The following SPECC1L variants were observed in gnomAD, a reference collection of about 807,000 sequenced individuals.
SPECC1L encodes the protein cytospin-A.
Under a neutral mutation model 116.8 loss-of-function variants are expected in SPECC1L, and 40 were observed. The ratio of observed to expected loss-of-function variants is 0.34; its 90% CI spans 0.27 to 0.45. SPECC1L has a LOEUF of 0.45. Among genes scored for constraint, SPECC1L ranks in the 20% least tolerant of loss-of-function variants. The pLI is 1.00. For missense variants in SPECC1L, 1,110 were observed against 1,373.6 expected (o/e 0.81, Z 3.03); for synonymous variants, 504 against 500.6 (o/e 1.01, Z -0.09).
Position 24,334,651 on chromosome 22 carries a change from ATTC to A in SPECC1L, c.2560+81_2560+83del, listed in dbSNP as rs574529347. The stretch of plus-strand genomic sequence containing the variant: ...CTTATATTCTCTGGTCTGATTTGGT[ATTC>A]TTTACTGTCTTACTCTTAGTCCCAT... On this transcript the variant is annotated intron_variant, in intron 9 of 16. Transcript: ENST00000314328. The A allele has an allele frequency of 8.9e-5, 133 of 1,490,266 alleles. No homozygotes were observed. In the East Asian group the frequency reaches 2.3e-3, roughly 26 times the overall value. The allele number at this position is 1,490,266 out of a possible 1,614,324, so 92.3% of individuals were successfully genotyped here.
At chr22:24,372,984 G>C (rs1246375481) in intron 14 of SPECC1L, among the ~76,000 whole-genome samples, 2 of 152,118 alleles carry the variant, frequency 1.3e-5, no homozygotes, top group Non-Finnish European at 2.9e-5. Context: ...ACCAATATCA[G>C]ACAAACTGAG....
At chr22:24,410,008 G>A (rs148228823) in intron 14 of SPECC1L, among the ~76,000 whole-genome samples, 4 of 152,360 alleles carry the variant, frequency 2.6e-5, no homozygotes, top group African/African-American at 9.6e-5. Flanking sequence ...GTGACAGAGA[G>A]ACCCTGTCTC....
chr22:24,287,259 G>A (rs1280608871), intron 2 of SPECC1L, among the ~76,000 whole-genome samples: 2 of 152,240 alleles, frequency 1.3e-5, no homozygotes, highest in Admixed American at 1.3e-4. Context: ...ATGGGTTGGA[G>A]CCTGGATTTG....
At position 24,409,869 on chromosome 22, in the gene SPECC1L, CAA is replaced by C. The variant is rs1158394864; in HGVS notation, c.3088-1717_3088-1716del. Among the ~76,000 whole-genome samples the C allele has an allele frequency of 2.6e-5, 4 of 152,180 alleles. No individual in the cohort carries two copies. The South Asian group carries it at 8.3e-4, about 32-fold the overall frequency. ...GCGAAACCTCATCTCTACAAAAAAA[CAA>C]ACAAAATTAGCTGGACGTGGTAGCA... On this transcript the variant is annotated intron_variant, in intron 14 of 16. Coordinates refer to ENST00000314328, the MANE Select transcript of SPECC1L (RefSeq NM_015330.6).
At chr22:24,272,110 G>C (rs1361736671) in intron 1 of SPECC1L, among the ~76,000 whole-genome samples, 1 of 152,250 alleles carries the variant, frequency 6.6e-6, no homozygotes, top group African/African-American at 2.4e-5. Context: ...GCCAGGCGCG[G>C]TGCCTCATGC....
intron 13 of SPECC1L, among the ~76,000 whole-genome samples, chr22:24,368,980 T>C (rs1228691037): frequency 6.6e-6 from 1 of 152,222 alleles, no homozygotes; most frequent in Non-Finnish European, 1.5e-5. Flanking sequence ...GTACTGTCTT[T>C]GCCACTTTCC....
intron 14 of SPECC1L, among the ~76,000 whole-genome samples, chr22:24,404,750 G>A (rs1359867207): frequency 2.0e-5 from 3 of 152,082 alleles, no homozygotes; most frequent in Non-Finnish European, 2.9e-5. Flanking sequence ...TGTCAAGTCC[G>A]TGTGTCAGCC....
chr22:24,337,135 A>C (rs2041075634), intron 9 of SPECC1L, among the ~76,000 whole-genome samples: 1 of 152,236 alleles, frequency 6.6e-6, no homozygotes, highest in Admixed American at 6.5e-5. Context: ...TTGTACATAA[A>C]TGTTCGTAGC....
At chr22:24,311,729 C>T (rs112596507) in intron 3 of SPECC1L, among the ~76,000 whole-genome samples, 1 of 146,784 alleles carries the variant, frequency 6.8e-6, no homozygotes, top group South Asian at 2.2e-4. Context: ...CACTTGTACC[C>T]GGAAGGTGGA....
chr22:24,283,077 C>T (rs994943849), intron 2 of SPECC1L, among the ~76,000 whole-genome samples: 6 of 150,500 alleles, frequency 4.0e-5, no homozygotes, highest in Admixed American at 4.0e-4. Context: ...TGTGCCTGGC[C>T]GATAACTTTG....
intron 4 of SPECC1L, among the ~76,000 whole-genome samples, chr22:24,319,257 A>G (rs1169164393): frequency 1.3e-5 from 2 of 152,220 alleles, no homozygotes; most frequent in African/African-American, 4.8e-5. Flanking sequence ...GCCTCTGGAA[A>G]CTTAGAATTA....
At position 24,417,707 on chromosome 22, in the gene SPECC1L, C is replaced by T. The variant is rs182114025; in HGVS notation, c.*3084C>T. On this transcript the variant is annotated 3_prime_UTR_variant, in exon 17 of 17. Transcript: ENST00000314328. ...AGAAAAAGAAAAAAGGTATCCTACC[C>T]AGAGGCAACCAGATAAACTTTTTTG... 1 of 152,290 alleles carries T rather than the reference C, an allele frequency of 6.6e-6. No homozygotes were observed. Among genetic ancestry groups the T allele is most frequent in the East Asian group, 1.9e-4 (1 of 5,178 alleles). 9.4% of individuals were successfully genotyped at this position (152,290 alleles called of 1,614,324 possible). A position where few individuals can be genotyped will look rare whatever the true frequency, so the allele number is the denominator to read the frequency against.
chr22:24,296,071 T>C (rs937720815), intron 2 of SPECC1L, among the ~76,000 whole-genome samples: 5 of 152,356 alleles, frequency 3.3e-5, no homozygotes, highest in Admixed American at 2.6e-4. Flanking sequence ...GAAATATTCA[T>C]TGAGATCAAA....
chr22:24,401,212 A>G (rs937963698), intron 14 of SPECC1L, among the ~76,000 whole-genome samples: 5 of 152,180 alleles, frequency 3.3e-5, no homozygotes, highest in African/African-American at 1.2e-4. Context: ...GGTCTCTTTC[A>G]GTTCATAAAT....
intron 14 of SPECC1L, among the ~76,000 whole-genome samples, chr22:24,391,248 T>C (rs2042269573): frequency 6.6e-6 from 1 of 152,160 alleles, no homozygotes; most frequent in African/African-American, 2.4e-5. Context: ...GAAAGAACTC[T>C]TTCCTGTTTT....
At chr22:24,308,474 A>T (rs574269015) in intron 3 of SPECC1L, among the ~76,000 whole-genome samples, 1 of 152,304 alleles carries the variant, frequency 6.6e-6, no homozygotes, top group Admixed American at 6.5e-5. Flanking sequence ...GATTTGGGTT[A>T]TGCATTTTAG....
At chr22:24,312,705 A>G (rs1405433007) in intron 3 of SPECC1L, among the ~76,000 whole-genome samples, 1 of 152,186 alleles carries the variant, frequency 6.6e-6, no homozygotes, top group African/African-American at 2.4e-5. Flanking sequence ...AAATATAAAT[A>G]TTGCAGATGG....
rs1436638112 is a variant in SPECC1L, at chr22:24,294,301, G to A, written c.-37-7894G>A. ...TTTTTAAAGTAGGTTCATAAAGGAT[G>A]GGGACCTATTTTGTTCATTTACATG... On this transcript the variant is annotated intron_variant, in intron 2 of 16. Coordinates refer to ENST00000314328, the MANE Select transcript of SPECC1L (RefSeq NM_015330.6). Among the ~76,000 whole-genome samples the A allele has an allele frequency of 4.2e-5, 6 of 143,212 alleles. No homozygotes were observed. In the East Asian group the frequency reaches 1.2e-3, roughly 29 times the overall value. The allele number at this position is 143,212 out of a possible 152,430, so 94.0% of individuals were successfully genotyped here. A position where few individuals can be genotyped will look rare whatever the true frequency, so the allele number is the denominator to read the frequency against.
chr22:24,286,031 A>G (rs1029787045), intron 2 of SPECC1L, among the ~76,000 whole-genome samples: 1 of 152,240 alleles, frequency 6.6e-6, no homozygotes, highest in Non-Finnish European at 1.5e-5. Flanking sequence ...CAAGTTACTC[A>G]TTTATTCAGT....
Sources: gnomAD v4.1 joint callset for allele counts (sites outside exome capture counted in the v4.1 genomes callset) on GRCh38, gnomAD v4.1.1 for gene constraint, MANE v1.5 for transcripts, NCBI Gene and HGNC (gene_info 2026-07-23, HGNC 2026-07-21) for gene names.